Variants in EMP2 observed in about 807,000 individuals in gnomAD.
The protein encoded by EMP2 is epithelial membrane protein 2.
A neutral mutation model predicts 13.7 loss-of-function variants in EMP2; 19 were observed. The observed-to-expected ratio is 1.38, with a 90% CI of 0.97 to 2.03. The LOEUF (loss-of-function observed/expected upper bound fraction) is 2.03. EMP2 is among the 30% of genes most tolerant of loss of function. The pLI, the probability that EMP2 is intolerant of heterozygous loss-of-function variation, is 0.00. For synonymous variants in EMP2, 97 were observed against 84.7 expected, an observed-to-expected ratio of 1.15 and a Z score of -0.80; for missense variants, 253 against 220.7, an observed-to-expected ratio of 1.15 and a Z score of -0.93.
intron 1 of EMP2, among the ~76,000 whole-genome samples, chr16:10,577,546 C>G (rs1302651418): frequency 6.6e-6 from 1 of 152,170 alleles, no homozygotes; most frequent in Non-Finnish European, 1.5e-5. Flanking sequence ...GGAGACTGCT[C>G]TGCCTGTCAC....
chr16:10,578,375 C>T (rs1182128233), intron 1 of EMP2, among the ~76,000 whole-genome samples: 2 of 152,190 alleles, frequency 1.3e-5, no homozygotes, highest in Admixed American at 6.5e-5. Flanking sequence ...CATTCACTTC[C>T]GTTCCAGGAA....
intron 1 of EMP2, among the ~76,000 whole-genome samples, chr16:10,570,028 C>T (rs554554247): frequency 6.6e-6 from 1 of 152,152 alleles, no homozygotes; most frequent in South Asian, 2.1e-4. Flanking sequence ...TCTCCCACTC[C>T]TCCCCTGGGT....
intron 1 of EMP2, among the ~76,000 whole-genome samples, chr16:10,549,910 G>C (rs1246172512): frequency 9.2e-6 from 1 of 108,548 alleles, no homozygotes; most frequent in African/African-American, 4.1e-5. Flanking sequence ...TTTTGAGACA[G>C]AGTCTCACTC....
At chr16:10,556,817 T>C (rs1235795227) in intron 1 of EMP2, among the ~76,000 whole-genome samples, 1 of 152,198 alleles carries the variant, frequency 6.6e-6, no homozygotes, top group East Asian at 1.9e-4. Context: ...TCACTAGTTT[T>C]CCAGTTCCAA....
chr16:10,543,680 T>C lies in EMP2; in HGVS notation c.79-20A>G, dbSNP rs750195771. On this transcript the variant is annotated intron_variant, in intron 2 of 4. Coordinates refer to ENST00000359543, the MANE Select transcript of EMP2 (RefSeq NM_001424.6). ...CCAGGCCTGTAACACAAAATGGAAATAGAGAGAAAGGCCGTCCGTTCATGA... is the reference window on the plus strand; with the variant it reads ...CCAGGCCTGTAACACAAAATGGAAACAGAGAGAAAGGCCGTCCGTTCATGA... The C allele has an allele frequency of 6.2e-7, 1 of 1,611,002 alleles. No homozygotes were observed. Among genetic ancestry groups the C allele is most frequent in the East Asian group, 2.2e-5 (1 of 44,862 alleles).
chr16:10,567,727 A>T (rs1394919036), intron 1 of EMP2, among the ~76,000 whole-genome samples: 3 of 152,166 alleles, frequency 2.0e-5, no homozygotes, highest in Middle Eastern at 3.2e-3. Context: ...CAGGGCCGTA[A>T]CACCCTCATA....
At chr16:10,552,855 A>G (rs940429842) in intron 1 of EMP2, among the ~76,000 whole-genome samples, 2 of 151,708 alleles carry the variant, frequency 1.3e-5, no homozygotes, top group South Asian at 2.1e-4. Flanking sequence ...TCAGATGGAC[A>G]TTTCAGACAT....
chr16:10,560,809 A>G (rs1175112276), intron 1 of EMP2, among the ~76,000 whole-genome samples: 1 of 151,982 alleles, frequency 6.6e-6, no homozygotes, highest in Admixed American at 6.5e-5. Flanking sequence ...GACGCCCCAC[A>G]GTGCAGAGTG....
chr16:10,557,978 G>C (rs375977546), intron 1 of EMP2, among the ~76,000 whole-genome samples: 6 of 151,912 alleles, frequency 3.9e-5, no homozygotes, highest in African/African-American at 7.2e-5. Context: ...TGTGGGTGGC[G>C]TTATGGAAAT....
rs117543446 is a variant in EMP2, at chr16:10,578,626, C to T, written c.-61+1923G>A. On this transcript the variant is annotated intron_variant, in intron 1 of 4. Coordinates refer to ENST00000359543, the MANE Select transcript of EMP2 (RefSeq NM_001424.6). ...GGACGCTTCCGCCTGGCCCTGCCCT[C>T]ACCCACTCAGCTGGTCGACTCCGTG... 6.4e-4 allele frequency among the ~76,000 whole-genome samples: 97 copies of T among 152,352 alleles called. 1 individual carries two copies. In the East Asian group the frequency reaches 0.016, roughly 25 times the overall value.
intron 1 of EMP2, among the ~76,000 whole-genome samples, chr16:10,550,715 T>A (rs893227089): frequency 6.6e-6 from 1 of 152,104 alleles, no homozygotes; most frequent in African/African-American, 2.4e-5. Flanking sequence ...TGCCTCATGC[T>A]TGTAATCCCG....
intron 1 of EMP2, among the ~76,000 whole-genome samples, chr16:10,571,994 C>T (rs1380379033): frequency 6.6e-6 from 1 of 152,192 alleles, no homozygotes; most frequent in Non-Finnish European, 1.5e-5. Flanking sequence ...GCACTTTCCA[C>T]ATTAATAAGA....
intron 1 of EMP2, among the ~76,000 whole-genome samples, chr16:10,552,195 G>C (rs1197477685): frequency 6.7e-6 from 1 of 149,064 alleles, no homozygotes; most frequent in Non-Finnish European, 1.5e-5. Flanking sequence ...TGAATGCCCT[G>C]TTACTTTAAC....
intron 1 of EMP2, among the ~76,000 whole-genome samples, chr16:10,579,710 A>ACACC (rs1555461500): frequency 4.1e-5 from 1 of 24,230 alleles, no homozygotes; most frequent in Admixed American, 5.6e-4. Context: ...ATCAAGGTGC[A>ACACC]CACACACACA....
chr16:10,574,634 C>CACCGAGA (rs768760793), intron 1 of EMP2, among the ~76,000 whole-genome samples: 197 of 152,252 alleles, frequency 1.3e-3, no homozygotes, highest in Non-Finnish European at 2.3e-3. Context: ...TCTCGGCTCA[C>CACCGAGA]TGCAAGCTCT....
At chr16:10,548,134 G>A (rs1266071990) in intron 1 of EMP2, among the ~76,000 whole-genome samples, 2 of 152,204 alleles carry the variant, frequency 1.3e-5, no homozygotes, top group Non-Finnish European at 2.9e-5. Context: ...AGTCTGGCAT[G>A]AGAGGGGCTG....
chr16:10,532,994 A>G lies in EMP2; in HGVS notation c.415T>C (p.Tyr139His). ...KFYPVTREGS[Y>H]GYSYILAWVA... ...CACGCCAGGATGTAGGAGTAGCCGTAGCTGCCTTCTCTGGTCACGGGATAG... is the reference window on the plus strand; with the variant it reads ...CACGCCAGGATGTAGGAGTAGCCGTGGCTGCCTTCTCTGGTCACGGGATAG... Residue 139 changes from tyrosine to histidine, a missense_variant, in exon 5 of 5, where the codon TAC (tyrosine) becomes CAC (histidine). Transcript: ENST00000359543. The G allele has an allele frequency of 6.2e-7, 1 of 1,612,356 alleles. No individual in the cohort carries two copies. The highest frequency in any genetic ancestry group is 8.5e-7 in the Non-Finnish European group (1 of 1,179,298).
At position 10,529,227 on chromosome 16, in the gene EMP2, T is replaced by G. The variant is rs2050578487; in HGVS notation, c.*3678A>C. 6.6e-6 allele frequency: 1 copy of G among 152,252 alleles called. No individual in the cohort carries two copies. The highest frequency in any genetic ancestry group is 1.5e-5 in the Non-Finnish European group (1 of 68,038). 9.4% of individuals were successfully genotyped at this position (152,252 alleles called of 1,614,324 possible). A position where few individuals can be genotyped will look rare whatever the true frequency, so the allele number is the denominator to read the frequency against. On this transcript the variant is annotated 3_prime_UTR_variant, in exon 5 of 5. Transcript: ENST00000359543. ...TCCTTCAAATACAGTTGATGCTATC[T>G]TTGGTCCTAATATGTGCTTCTTGGA...
chr16:10,551,200 G>C (rs1259448172), intron 1 of EMP2, among the ~76,000 whole-genome samples: 1 of 152,008 alleles, frequency 6.6e-6, no homozygotes, highest in African/African-American at 2.4e-5. Flanking sequence ...TGTTTCTATG[G>C]ATTTGTCTAT....
Sources: gnomAD v4.1 joint callset for allele counts (sites outside exome capture counted in the v4.1 genomes callset) on GRCh38, gnomAD v4.1.1 for gene constraint, MANE v1.5 for transcripts, NCBI Gene and HGNC (gene_info 2026-07-23, HGNC 2026-07-21) for gene names.